Variants in DOCK9 observed in about 807,000 individuals in gnomAD.
DOCK9 encodes the protein dedicator of cytokinesis protein 9.
In DOCK9, 89 loss-of-function variants were observed where a neutral mutation model predicts 263.3. That is an observed-to-expected ratio of 0.34 (90% CI 0.28 to 0.40). The LOEUF is 0.40. DOCK9 is among the 10% of genes least tolerant of loss of function. The probability of loss-of-function intolerance (pLI) is 1.00; values close to 1 mark genes in which losing one functional copy is unlikely to be tolerated. For synonymous variants in DOCK9, 976 were observed against 973.1 expected, an observed-to-expected ratio of 1.00 and a Z score of -0.06; for missense variants, 2,140 against 2,603.4, an observed-to-expected ratio of 0.82 and a Z score of 3.87.
chr13:98,881,435 T>C lies in DOCK9; in HGVS notation c.2745+123A>G, dbSNP rs1286776893. 14 of 735,880 alleles carry C rather than the reference T, an allele frequency of 1.9e-5. No individual in the cohort carries two copies. The East Asian group carries it at 2.5e-4, about 13-fold the overall frequency. 45.6% of individuals were successfully genotyped at this position (735,880 alleles called of 1,614,324 possible). On this transcript the variant is annotated intron_variant, in intron 25 of 52. Transcript: ENST00000682017. ...AGGTACAAGCATTGGCTATGAGAAA[T>C]AGAAGAGAAAGCATACGTTACAAGC... is the stretch of plus-strand genomic sequence containing the variant.
chr13:98,942,364 G>T (rs1424695695), intron 2 of DOCK9, among the ~76,000 whole-genome samples: 2 of 151,264 alleles, frequency 1.3e-5, no homozygotes, highest in Non-Finnish European at 2.9e-5. Flanking sequence ...TCAGCCTCCC[G>T]AGTAGCTGGG....
At position 98,930,227 on chromosome 13, in the gene DOCK9, T is replaced by C. The variant is rs1396684876; in HGVS notation, c.274A>G (p.Ile92Val). Residue 92 changes from isoleucine to valine, a missense_variant, in exon 3 of 53, where the codon ATA (isoleucine) becomes GTA (valine). Ile to Val is a conservative substitution (Grantham distance 29). Coordinates refer to ENST00000682017, the MANE Select transcript of DOCK9 (RefSeq NM_001366683.2). ...GCCTTCGCAGGCACTGTTGAGCATA[T>C]GTATCGACCCTGTCGTCTCAGGATG... ...TAILRRQGRYICSTVPAKAEE... is the reference protein window; with the variant it reads ...TAILRRQGRYVCSTVPAKAEE... 3 of 1,612,012 alleles carry C rather than the reference T, an allele frequency of 1.9e-6. No individual in the cohort carries two copies. Among genetic ancestry groups the C allele is most frequent in the Admixed American group, 3.3e-5 (2 of 59,800 alleles).
At chr13:98,911,095 G>C (rs1327402286) in intron 9 of DOCK9, among the ~76,000 whole-genome samples, 2 of 152,162 alleles carry the variant, frequency 1.3e-5, no homozygotes, top group Admixed American at 6.5e-5. Context: ...CTGACACCAA[G>C]CTGGGCTTTA....
At chr13:98,868,103 C>T in intron 28 of DOCK9, 92 bp from the exon 29 acceptor site, 1 of 1,528,620 alleles carries the variant, frequency 6.5e-7, no homozygotes, top group Non-Finnish European at 9.0e-7. Flanking sequence ...TAAGTTTATC[C>T]ACTGACATAA....
At chr13:98,819,497 T>A (rs186317073) in intron 45 of DOCK9, among the ~76,000 whole-genome samples, 222 of 152,308 alleles carry the variant, frequency 1.5e-3, no homozygotes, top group Non-Finnish European at 2.2e-3. Context: ...GGATCACAGC[T>A]TACTCACTCT....
chr13:98,997,125 T>C (rs1595864699), intron 1 of DOCK9, among the ~76,000 whole-genome samples: 1 of 152,224 alleles, frequency 6.6e-6, no homozygotes, highest in East Asian at 1.9e-4. Context: ...GTGTAGTCAA[T>C]GTGTGCAGCA....
chr13:98,930,174 A>G lies in DOCK9; in HGVS notation c.327T>C (p.Val109=). The change falls in exon 3 of 53, where the codon GTT becomes GTC. Residue 109 remains valine (V), a synonymous_variant. Transcript: ENST00000682017. ...KAEEEAQSLF[V]TECIKTYNSD... is the part of the protein sequence containing the mutation. ...ATGCAGGAAAGAGCCTTACCTCTGTAACAAACAAGCTCTGTGCTTCCTCTT... is the reference window on the plus strand; with the variant it reads ...ATGCAGGAAAGAGCCTTACCTCTGTGACAAACAAGCTCTGTGCTTCCTCTT... 6.2e-7 allele frequency: 1 copy of G among 1,609,496 alleles called. No individual in the cohort carries two copies. The highest frequency in any genetic ancestry group is 8.5e-7 in the Non-Finnish European group (1 of 1,177,844).
chr13:98,979,218 A>AGTG (rs1473595243), upstream of DOCK9, among the ~76,000 whole-genome samples: 2 of 130,642 alleles, frequency 1.5e-5, no homozygotes, highest in Non-Finnish European at 3.3e-5. Flanking sequence ...TAGTAGTAGT[A>AGTG]GTAGTAGTAG....
At chr13:98,924,599 T>C (rs1297118770) in intron 4 of DOCK9, among the ~76,000 whole-genome samples, 1 of 152,212 alleles carries the variant, frequency 6.6e-6, no homozygotes, top group Non-Finnish European at 1.5e-5. Flanking sequence ...GGCAGATCCA[T>C]CATGAGAGGC....
intron 35 of DOCK9, 146 bp from the exon 36 acceptor site, chr13:98,850,259 T>C (rs1276068218): frequency 1.8e-6 from 1 of 547,108 alleles, no homozygotes; most frequent in Non-Finnish European, 3.2e-6. Flanking sequence ...TGCCCTCTTT[T>C]ATAGCTGACC....
intron 1 of DOCK9, among the ~76,000 whole-genome samples, chr13:98,958,256 C>T (rs1275801964): frequency 6.6e-6 from 1 of 152,216 alleles, no homozygotes; most frequent in African/African-American, 2.4e-5. Context: ...GCCCTGCTGC[C>T]ACCCCTTCAG....
At chr13:98,993,156 A>T (rs1050075431) in intron 1 of DOCK9, among the ~76,000 whole-genome samples, 2 of 152,244 alleles carry the variant, frequency 1.3e-5, no homozygotes, top group Non-Finnish European at 2.9e-5. Flanking sequence ...CAGCATATGC[A>T]GTAATAAAAA....
intron 45 of DOCK9, among the ~76,000 whole-genome samples, 186 bp from the exon 46 acceptor site, chr13:98,810,477 G>A (rs2091206294): frequency 6.6e-6 from 1 of 152,116 alleles, no homozygotes; most frequent in Non-Finnish European, 1.5e-5. Context: ...TCATCACCAC[G>A]TTCTTTTTTA....
At chr13:98,960,518 G>C (rs2058515846) in intron 1 of DOCK9, among the ~76,000 whole-genome samples, 1 of 152,182 alleles carries the variant, frequency 6.6e-6, no homozygotes, top group Admixed American at 6.5e-5. Flanking sequence ...CAGGCTTCCT[G>C]TGAAATCAGA....
chr13:98,860,646 A>G, intron 32 of DOCK9, 124 bp from the exon 33 acceptor site: 1 of 608,658 alleles, frequency 1.6e-6, no homozygotes, highest in Non-Finnish European at 2.4e-6. Context: ...GCCTGCCTGC[A>G]TGGGAGGAGT....
intron 1 of DOCK9, among the ~76,000 whole-genome samples, chr13:99,053,316 T>G (rs1315013503): frequency 6.6e-6 from 1 of 152,252 alleles, no homozygotes; most frequent in Non-Finnish European, 1.5e-5. Context: ...TTTGTCACTC[T>G]TGTTCAGAAT....
At chr13:98,917,030 T>C (rs2050997472) in intron 7 of DOCK9, among the ~76,000 whole-genome samples, 1 of 152,210 alleles carries the variant, frequency 6.6e-6, no homozygotes, top group Non-Finnish European at 1.5e-5. Context: ...CAAATTATTT[T>C]ACTCTTTTGA....
intron 45 of DOCK9, among the ~76,000 whole-genome samples, chr13:98,815,487 T>C (rs2091760175): frequency 6.6e-6 from 1 of 152,114 alleles, no homozygotes; most frequent in Non-Finnish European, 1.5e-5. Flanking sequence ...TGTTTGTTTG[T>C]TTTGTTTTTT....
chr13:98,879,280 G>A (rs1256890590), intron 27 of DOCK9, among the ~76,000 whole-genome samples: 1 of 152,116 alleles, frequency 6.6e-6, no homozygotes, highest in Non-Finnish European at 1.5e-5. Flanking sequence ...AAGCAGGGGG[G>A]ACCCACGGTC....
Sources: allele counts gnomAD v4.1 joint callset (sites outside exome capture counted in the v4.1 genomes callset), GRCh38; gene constraint gnomAD v4.1.1; transcripts MANE v1.5; gene names NCBI Gene and HGNC (gene_info 2026-07-23, HGNC 2026-07-21).